Variants in RBFOX1 observed in about 807,000 individuals in gnomAD.
The protein encoded by RBFOX1 is RNA binding protein fox-1 homolog 1.
In RBFOX1, 8 loss-of-function variants were observed where a neutral mutation model predicts 57.7. That is an observed-to-expected ratio of 0.14 (90% CI 0.08 to 0.25). The LOEUF (loss-of-function observed/expected upper bound fraction) is 0.25, where lower values mean the gene tolerates loss of function less well. Among genes scored for constraint, RBFOX1 ranks in the 10% least tolerant of loss-of-function variants. The pLI is 1.00. For synonymous variants in RBFOX1, 326 were observed against 222.4 expected (o/e 1.47, Z -4.15); for missense variants, 611 against 548.5 (o/e 1.11, Z -1.14).
chr16:6,574,386 G>C (rs2097392809), intron 2 of RBFOX1, among the ~76,000 whole-genome samples: 2 of 151,536 alleles, frequency 1.3e-5, no homozygotes, highest in South Asian at 2.1e-4. Context: ...AGGAGGGGGC[G>C]GAACTCGGTG....
intron 2 of RBFOX1, among the ~76,000 whole-genome samples, chr16:6,332,450 A>G (rs1051534674): frequency 1.3e-5 from 2 of 152,234 alleles, no homozygotes; most frequent in Admixed American, 6.5e-5. Context: ...ATTGTAAGCT[A>G]CATTAATAGG....
chr16:5,427,606 A>T (rs1462517612), intron 1 of RBFOX1, among the ~76,000 whole-genome samples: 1 of 151,858 alleles, frequency 6.6e-6, no homozygotes, highest in African/African-American at 2.4e-5. Flanking sequence ...AAACAAAACA[A>T]AACAAAACAA....
At chr16:6,826,140 C>A (rs1330070226) in intron 3 of RBFOX1, among the ~76,000 whole-genome samples, 2 of 152,056 alleles carry the variant, frequency 1.3e-5, no homozygotes, top group East Asian at 1.9e-4. Flanking sequence ...TCTCCCTACC[C>A]CAGTTTTCTC....
At chr16:7,680,045 C>G (rs183628098) in intron 14 of RBFOX1, among the ~76,000 whole-genome samples, 3 of 152,264 alleles carry the variant, frequency 2.0e-5, no homozygotes, top group East Asian at 1.9e-4. Context: ...TGAGCTTGAA[C>G]CAACTGAAGC....
intron 3 of RBFOX1, among the ~76,000 whole-genome samples, chr16:5,817,426 C>A (rs1158910909): frequency 6.6e-6 from 1 of 152,096 alleles, no homozygotes; most frequent in Non-Finnish European, 1.5e-5. Context: ...CAGTGCTTGG[C>A]ACAGTGTAGG....
intron 1 of RBFOX1, among the ~76,000 whole-genome samples, chr16:5,437,215 C>G (rs958364961): frequency 1.1e-4 from 17 of 152,282 alleles, no homozygotes; most frequent in Non-Finnish European, 2.4e-4. Flanking sequence ...AAAGGTGAGG[C>G]AGGCACTGAA....
At chr16:7,397,122 C>A (rs1219031835) in intron 4 of RBFOX1, among the ~76,000 whole-genome samples, 3 of 152,082 alleles carry the variant, frequency 2.0e-5, no homozygotes, top group Non-Finnish European at 4.4e-5. Context: ...TGATCATGAT[C>A]TCTTTAATTA....
chr16:5,888,200 G>A (rs1262631827), intron 4 of RBFOX1, among the ~76,000 whole-genome samples: 1 of 152,136 alleles, frequency 6.6e-6, no homozygotes, highest in East Asian at 1.9e-4. Context: ...TGCAGAGTTT[G>A]TTTCCTCTGC....
intron 1 of RBFOX1, among the ~76,000 whole-genome samples, chr16:6,051,630 C>G (rs1178686559): frequency 2.0e-5 from 3 of 152,146 alleles, no homozygotes; most frequent in Admixed American, 6.5e-5. Flanking sequence ...ATGGCACAAT[C>G]TTGGCTCATG....
chr16:6,486,856 A>G (rs1344372307), intron 2 of RBFOX1, among the ~76,000 whole-genome samples: 3 of 152,154 alleles, frequency 2.0e-5, no homozygotes, highest in Non-Finnish European at 4.4e-5. Flanking sequence ...GAATTTTACA[A>G]TTATGAATTC....
chr16:7,317,782 C>T (rs79607048), intron 4 of RBFOX1, among the ~76,000 whole-genome samples: 3,345 of 152,330 alleles, frequency 0.022, 58 homozygotes, highest in Admixed American at 0.034. Flanking sequence ...GCTCTATGGG[C>T]ATGTTTCTCG....
At chr16:6,471,316 A>C (rs1314429835) in intron 2 of RBFOX1, among the ~76,000 whole-genome samples, 1 of 152,224 alleles carries the variant, frequency 6.6e-6, no homozygotes, top group Non-Finnish European at 1.5e-5. Context: ...TAGTTAGAAC[A>C]AGAGGCATCC....
intron 3 of RBFOX1, among the ~76,000 whole-genome samples, chr16:5,829,061 T>A (rs2056174368): frequency 3.9e-5 from 6 of 152,146 alleles, no homozygotes; most frequent in Admixed American, 3.9e-4. Flanking sequence ...GCCCTTTCCC[T>A]GTGCTGCATT....
At chr16:6,976,789 A>ATG (rs766364899) in intron 3 of RBFOX1, among the ~76,000 whole-genome samples, 1 of 138,980 alleles carries the variant, frequency 7.2e-6, no homozygotes, top group Non-Finnish European at 1.5e-5. Context: ...AATATATTAT[A>ATG]TATATGATAT....
intron 3 of RBFOX1, among the ~76,000 whole-genome samples, chr16:5,766,705 C>G (rs753323864): frequency 6.6e-6 from 1 of 152,126 alleles, no homozygotes; most frequent in Non-Finnish European, 1.5e-5. Context: ...CCACCTGGCC[C>G]CACCTCCAAT....
chr16:5,377,952 A>ATTTTC (rs1343730826), intron 1 of RBFOX1, among the ~76,000 whole-genome samples: 1 of 151,422 alleles, frequency 6.6e-6, no homozygotes, highest in Non-Finnish European at 1.5e-5. Context: ...TATTCAGGTA[A>ATTTTC]TTTTCTTTTC....
intron 2 of RBFOX1, among the ~76,000 whole-genome samples, chr16:6,623,149 C>G (rs1212309965): frequency 6.6e-6 from 1 of 152,122 alleles, no homozygotes; most frequent in African/African-American, 2.4e-5. Flanking sequence ...TCTGCATACC[C>G]CATTCCAGAA....
At chr16:5,532,208 A>T (rs566340450) in intron 2 of RBFOX1, among the ~76,000 whole-genome samples, 163 of 152,286 alleles carry the variant, frequency 1.1e-3, no homozygotes, top group African/African-American at 3.8e-3. Flanking sequence ...ACCTTGCAGG[A>T]TGTTGAGCAG....
chr16:6,888,793 C>A (rs1027846454), intron 3 of RBFOX1, among the ~76,000 whole-genome samples: 3 of 152,026 alleles, frequency 2.0e-5, no homozygotes, highest in Admixed American at 6.6e-5. Context: ...TTTATTTCAC[C>A]CTATTGTGTT....
Sources: gnomAD v4.1 joint callset for allele counts (sites outside exome capture counted in the v4.1 genomes callset) on GRCh38, gnomAD v4.1.1 for gene constraint, MANE v1.5 for transcripts, NCBI Gene and HGNC (gene_info 2026-07-23, HGNC 2026-07-21) for gene names.